The following TGM4 variants were observed in gnomAD, a reference collection of about 807,000 sequenced individuals.
TGM4 encodes the protein transglutaminase 4.
Under a neutral mutation model 76.3 loss-of-function variants are expected in TGM4, and 61 were observed. The observed-to-expected ratio is 0.80, with a 90% CI of 0.65 to 0.99. TGM4 has a LOEUF of 0.99. Ranked by LOEUF, TGM4 falls within the 50% of genes least tolerant of loss-of-function variation. The probability of loss-of-function intolerance (pLI) is 0.00; values close to 1 mark genes in which losing one functional copy is unlikely to be tolerated. For synonymous variants in TGM4, 337 were observed against 329.8 expected (o/e 1.02, Z -0.24); for missense variants, 794 against 843.2 (o/e 0.94, Z 0.72).
Position 44,887,727 on chromosome 3 carries a change from C to G in TGM4, c.232C>G (p.Leu78Val). 2 of 1,614,178 alleles carry G rather than the reference C, an allele frequency of 1.2e-6. No individual in the cohort carries two copies. The highest frequency in any genetic ancestry group is 1.7e-6 in the Non-Finnish European group (2 of 1,180,024). Residue 78 changes from leucine to valine, a missense_variant, in exon 3 of 14, where the codon CTC becomes GTC. Leu to Val is a conservative substitution (Grantham distance 32). Coordinates refer to ENST00000296125, the MANE Select transcript of TGM4 (RefSeq NM_003241.4). ...CATCGCCAAACACACCCTGGTGGTG[C>G]TCGACCCGAGGACGCCCTCAGACCA... is the stretch of plus-strand genomic sequence containing the variant. ...PSIAKHTLVV[L>V]DPRTPSDHYN...
rs763058240 is a variant in TGM4 at position 44,896,759 on chromosome 3, C to T, written c.600C>T (p.Ser200=). 1.7e-5 allele frequency: 28 copies of T among 1,614,044 alleles called. No individual in the cohort carries two copies. The highest frequency in any genetic ancestry group is 2.3e-5 in the Non-Finnish European group (27 of 1,180,044). The change falls in exon 6 of 14, where the codon TCC becomes TCT. Residue 200 remains serine, a synonymous_variant. Coordinates refer to ENST00000296125, the MANE Select transcript of TGM4 (RefSeq NM_003241.4). ...DCCISLLTES[S]LKPTDRRDPV... is the part of the protein sequence containing the mutation. ...GCATTTCCCTGCTGACTGAGAGCTC[C>T]CTCAAGCCCACAGATAGGAGGGACC...
Position 44,903,934 on chromosome 3 carries a change from A to G in TGM4, c.1022A>G (p.Lys341Arg). 3 of 1,614,210 alleles carry G rather than the reference A, an allele frequency of 1.9e-6. No homozygotes were observed. The highest frequency in any genetic ancestry group is 2.5e-6 in the Non-Finnish European group (3 of 1,180,044). ...TGGATGAAGCGACCGGATCTGCCCA[A>G]GGGCTACGACGGCTGGCAGGCTGTG... ...DAWMKRPDLPKGYDGWQAVDA... is the reference protein window; with the variant it reads ...DAWMKRPDLPRGYDGWQAVDA... Residue 341 changes from lysine to arginine, a missense_variant, in exon 9 of 14, where the codon AAG becomes AGG. Lys to Arg is a conservative substitution (Grantham distance 26). Transcript: ENST00000296125.
intron 5 of TGM4, among the ~76,000 whole-genome samples, chr3:44,895,907 G>A: frequency 6.6e-6 from 1 of 152,216 alleles, no homozygotes; most frequent in South Asian, 2.1e-4. Context: ...AATTTCAAAA[G>A]TAACGTGCTT....
Position 44,901,606 on chromosome 3 carries a change from C to G in TGM4, c.740C>G (p.Thr247Arg), listed in dbSNP as rs140087073. Residue 247 changes from threonine (T) to arginine (R), a missense_variant, in exon 7 of 14, where the codon ACA becomes AGA. Thr to Arg is a moderately conservative substitution (Grantham distance 71). Coordinates refer to ENST00000296125, the MANE Select transcript of TGM4 (RefSeq NM_003241.4). ...YEGGTAPYKWTGSAPILQQYY... is the reference protein window; with the variant it reads ...YEGGTAPYKWRGSAPILQQYY... ...GGTGGCACAGCCCCATACAAGTGGA[C>G]AGGCAGTGCCCCGATCCTGCAGCAG... 1.5e-5 allele frequency: 24 copies of G among 1,614,014 alleles called. No individual in the cohort carries two copies. The highest frequency in any genetic ancestry group is 1.9e-5 in the Non-Finnish European group (23 of 1,180,016).
At chr3:44,894,411 C>A (rs933130794) in intron 5 of TGM4, among the ~76,000 whole-genome samples, 26 of 114,282 alleles carry the variant, frequency 2.3e-4, no homozygotes, top group African/African-American at 5.7e-4. Flanking sequence ...TCTCCCACCC[C>A]CTACCTCCCA....
chr3:44,911,241 C>T, intron 12 of TGM4, 29 bp from the exon 13 acceptor site: 3 of 1,613,680 alleles, frequency 1.9e-6, no homozygotes, highest in Non-Finnish European at 2.5e-6. Context: ...TATCTTCTCT[C>T]CCCATCTCTC....
intron 3 of TGM4, among the ~76,000 whole-genome samples, chr3:44,889,357 A>ATCT (rs201231105): frequency 0.02 from 3,111 of 152,140 alleles, 54 homozygotes; most frequent in Middle Eastern, 0.065. Context: ...GGTGCTGGAC[A>ATCT]TCTTGCAGCC....
At chr3:44,899,006 C>T (rs896283022) in intron 6 of TGM4, among the ~76,000 whole-genome samples, 3 of 152,292 alleles carry the variant, frequency 2.0e-5, no homozygotes, top group Admixed American at 6.5e-5. Flanking sequence ...TGGACTGGCA[C>T]GTACCTGGCT....
At chr3:44,910,463 A>T (rs1699988507) in intron 11 of TGM4, 95 bp downstream of exon 11, 2 of 1,443,042 alleles carry the variant, frequency 1.4e-6, no homozygotes, top group African/African-American at 2.8e-5. Context: ...CCATACATTG[A>T]TAAATTTTTG....
chr3:44,903,873 A>G lies in TGM4; in HGVS notation c.972-11A>G. 6.2e-7 allele frequency: 1 copy of G among 1,613,946 alleles called. No individual in the cohort carries two copies. The highest frequency in any genetic ancestry group is 1.1e-5 in the South Asian group (1 of 91,082). On this transcript the variant is annotated splice_polypyrimidine_tract_variant and intron_variant, in intron 8 of 13. Transcript: ENST00000296125. Reference sequence around the variant, plus strand: ...TGGTCCGGGGTGGGGCCCGTTCCCAATTTGCGGCAGGAATTTCCATGTGTG... The same window carrying G: ...TGGTCCGGGGTGGGGCCCGTTCCCAGTTTGCGGCAGGAATTTCCATGTGTG...
At chr3:44,892,331 T>C (rs1220681728) in intron 4 of TGM4, among the ~76,000 whole-genome samples, 1 of 151,092 alleles carries the variant, frequency 6.6e-6, no homozygotes, top group African/African-American at 2.4e-5. Flanking sequence ...TCATCTACTA[T>C]CTATATTCCA....
intron 1 of TGM4, among the ~76,000 whole-genome samples, chr3:44,880,603 A>G (rs995993594): frequency 2.6e-5 from 4 of 152,158 alleles, no homozygotes; most frequent in Admixed American, 2.6e-4. Context: ...CAAAGGGAAA[A>G]GCCTGCTGGG....
intron 2 of TGM4, among the ~76,000 whole-genome samples, chr3:44,886,860 CA>C (rs1699614891): frequency 6.6e-6 from 1 of 152,150 alleles, no homozygotes; most frequent in Non-Finnish European, 1.5e-5. Context: ...ATGAAGAAAC[CA>C]AAAACAAGAG....
chr3:44,907,287 A>T lies in TGM4; in HGVS notation c.1327+87A>T. 2.9e-6 allele frequency: 4 copies of T among 1,383,408 alleles called. No individual in the cohort carries two copies. In the South Asian group the frequency reaches 5.6e-5, roughly 19 times the overall value. 85.7% of individuals were successfully genotyped at this position (1,383,408 alleles called of 1,614,324 possible). A position where few individuals can be genotyped will look rare whatever the true frequency, so the allele number is the denominator to read the frequency against. ...TCAAGATTGGGGGTGGGCCTGGGCA[A>T]CATGGTGAAACCCCATCCCTACCAA... On this transcript the variant is annotated intron_variant, in intron 10 of 13. Coordinates refer to ENST00000296125, the MANE Select transcript of TGM4 (RefSeq NM_003241.4).
At chr3:44,898,280 CAAAAAA>C (rs35054781) in intron 6 of TGM4, among the ~76,000 whole-genome samples, 1 of 98,818 alleles carries the variant, frequency 1.0e-5, no homozygotes, top group South Asian at 3.4e-4. Flanking sequence ...GACTCTGTCT[CAAAAAA>C]AAAAAAAAAA....
In TGM4 at chr3:44,907,184, G is replaced by C. The variant is rs749852862; in HGVS notation, c.1311G>C (p.Glu437Asp). The C allele has an allele frequency of 1.2e-6, 2 of 1,613,870 alleles. No homozygotes were observed. Among genetic ancestry groups the C allele is most frequent in the Admixed American group, 3.3e-5 (2 of 59,982 alleles). The change falls in exon 10 of 14, where the codon GAG becomes GAC. Residue 437 changes from glutamate (E) to aspartate (D), a missense_variant. Transcript: ENST00000296125. Reference sequence around the variant, plus strand: ...ACAGGCGGAGAGATATCACCTATGAGTACAAGTATCCAGAAGGTGCTAGCA... The same window carrying C: ...ACAGGCGGAGAGATATCACCTATGACTACAAGTATCCAGAAGGTGCTAGCA... ...GQDRRRDITYEYKYPEGSSEE... is the reference protein window; with the variant it reads ...GQDRRRDITYDYKYPEGSSEE...
intron 11 of TGM4, among the ~76,000 whole-genome samples, chr3:44,910,731 C>T (rs1057059049): frequency 6.6e-6 from 1 of 152,174 alleles, no homozygotes; most frequent in Non-Finnish European, 1.5e-5. Context: ...GTCCTGATGA[C>T]AACGGGTAAT....
At chr3:44,882,714 C>T (rs1699550851) in intron 1 of TGM4, among the ~76,000 whole-genome samples, 1 of 152,206 alleles carries the variant, frequency 6.6e-6, no homozygotes, top group South Asian at 2.1e-4. Flanking sequence ...ATCACAAGAT[C>T]CTTAATCACA....
intron 3 of TGM4, chr3:44,888,718 A>G (rs538209264): frequency 6.6e-5 from 10 of 152,284 alleles, no homozygotes; most frequent in African/African-American, 1.9e-4. Flanking sequence ...GGTTTGCACA[A>G]TGAATTTTTA....
Sources: gnomAD v4.1 joint callset for allele counts (sites outside exome capture counted in the v4.1 genomes callset) on GRCh38, gnomAD v4.1.1 for gene constraint, MANE v1.5 for transcripts, NCBI Gene and HGNC (gene_info 2026-07-23, HGNC 2026-07-21) for gene names.